Variants in B3GALNT2 observed in about 807,000 individuals in gnomAD.
B3GALNT2 encodes the protein beta-1,3-N-acetylgalactosaminyltransferase 2.
Under a neutral mutation model 61.1 loss-of-function variants are expected in B3GALNT2, and 53 were observed. The ratio of observed to expected loss-of-function variants is 0.87; its 90% CI spans 0.70 to 1.09. The LOEUF (loss-of-function observed/expected upper bound fraction) is 1.09. B3GALNT2 is among the 50% of genes least tolerant of loss of function. The pLI, the probability that B3GALNT2 is intolerant of heterozygous loss-of-function variation, is 0.00. For synonymous variants in B3GALNT2, 223 were observed against 237.4 expected, an observed-to-expected ratio of 0.94 and a Z score of 0.56; for missense variants, 544 against 623.0, an observed-to-expected ratio of 0.87 and a Z score of 1.35.
At chr1:235,468,007 T>A (rs2102809317) in intron 6 of B3GALNT2, among the ~76,000 whole-genome samples, 1 of 152,326 alleles carries the variant, frequency 6.6e-6, no homozygotes, top group Non-Finnish European at 1.5e-5. Context: ...CTCGAACTCC[T>A]GACTTCAGGT....
intron 6 of B3GALNT2, among the ~76,000 whole-genome samples, chr1:235,470,064 A>C (rs1683915231): frequency 6.6e-6 from 1 of 151,390 alleles, no homozygotes; most frequent in African/African-American, 2.4e-5. Context: ...TGCCTGGCTA[A>C]GTTTTTGTAT....
intron 4 of B3GALNT2, among the ~76,000 whole-genome samples, chr1:235,480,495 A>G (rs1050083988): frequency 6.6e-6 from 1 of 152,198 alleles, no homozygotes; most frequent in Non-Finnish European, 1.5e-5. Flanking sequence ...ACTCCCCCAA[A>G]GGGTTAAAAC....
chr1:235,453,460 CTTT>C (rs1175498989), intron 10 of B3GALNT2, among the ~76,000 whole-genome samples: 2 of 145,248 alleles, frequency 1.4e-5, no homozygotes, highest in Admixed American at 1.4e-4. Flanking sequence ...AGGGACTATA[CTTT>C]TTTTTTTTTT....
At position 235,504,319 on chromosome 1, in the gene B3GALNT2, G is replaced by A. The variant is rs2102880849; in HGVS notation, c.-67C>T. 3.5e-6 allele frequency: 5 copies of A among 1,441,684 alleles called. No individual in the cohort carries two copies. The South Asian group carries it at 4.0e-5, about 11-fold the overall frequency. The allele number at this position is 1,441,684 out of a possible 1,614,324, so 89.3% of individuals were successfully genotyped here. A position where few individuals can be genotyped will look rare whatever the true frequency, so the allele number is the denominator to read the frequency against. ...GGAGAGGGAGGGGACCTGCAAGTGC[G>A]GAGACTGAGGGGCGGCGGCTGACGA... On this transcript the variant is annotated 5_prime_UTR_variant, in exon 1 of 12. Transcript: ENST00000366600.
chr1:235,486,276 G>A (rs1684801279), intron 3 of B3GALNT2, among the ~76,000 whole-genome samples: 1 of 152,094 alleles, frequency 6.6e-6, no homozygotes, highest in African/African-American at 2.4e-5. Flanking sequence ...TTTTGTCATG[G>A]GCTGGGCAAG....
At chr1:235,439,949 A>C in the B3GALNT2 span, among the ~76,000 whole-genome samples, 5 of 146,674 alleles carry the variant, frequency 3.4e-5, no homozygotes, top group African/African-American at 5.1e-5. Context: ...CTACAGGCGC[A>C]CACCACCATG....
intron 3 of B3GALNT2, among the ~76,000 whole-genome samples, chr1:235,486,962 A>G (rs1183706847): frequency 6.6e-6 from 1 of 152,090 alleles, no homozygotes; most frequent in Non-Finnish European, 1.5e-5. Context: ...TGAGGTCAGG[A>G]GTTTGAGACT....
Position 235,474,974 on chromosome 1 carries a change from TATATATATATA to T in B3GALNT2, c.652-4025_652-4015del, listed in dbSNP as rs1349535376. Reference sequence around the variant, plus strand: ...ACATATATATATATATATATATATATATATATATATATATTTTTTTTTTTTTTTTTTTTTTT... The same window carrying T: ...ACATATATATATATATATATATATATTATTTTTTTTTTTTTTTTTTTTTTT... On this transcript the variant is annotated intron_variant, in intron 5 of 11. Transcript: ENST00000366600. 3.4e-3 allele frequency among the ~76,000 whole-genome samples: 118 copies of T among 34,776 alleles called. 2 individuals carry two copies. Among genetic ancestry groups the T allele is most frequent in the Middle Eastern group, 0.012 (1 of 82 alleles). 22.8% of individuals were successfully genotyped at this position (34,776 alleles called of 152,430 possible).
chr1:235,488,988 T>C lies in B3GALNT2; in HGVS notation c.361+180A>G, dbSNP rs59473581. Among the ~76,000 whole-genome samples the C allele has an allele frequency of 0.046, 7,054 of 152,070 alleles. 390 individuals carry two copies. Among genetic ancestry groups the C allele is most frequent in the African/African-American group, 0.13 (5,377 of 41,450 alleles). Reference sequence around the variant, plus strand: ...TCGCTTGAGCCCCGGAGTTTGAGGTTATAGTGAGCCATGACTATGCCACTG... The same window carrying C: ...TCGCTTGAGCCCCGGAGTTTGAGGTCATAGTGAGCCATGACTATGCCACTG... On this transcript the variant is annotated intron_variant, in intron 3 of 11. Transcript: ENST00000366600.
rs1416223198 is a variant in B3GALNT2 at position 235,454,194 on chromosome 1, A to G, written c.1273T>C (p.Trp425Arg). The change falls in exon 10 of 12, where the codon TGG (tryptophan) becomes CGG (arginine). Residue 425 changes from tryptophan (W) to arginine (R), a missense_variant. Physicochemically the swap from Trp to Arg is moderately radical, Grantham distance 101. Coordinates refer to ENST00000366600, the MANE Select transcript of B3GALNT2 (RefSeq NM_152490.5). Reference protein sequence around the residue: ...GYVISKDIVKWLASNSGRLKT... With the variant: ...GYVISKDIVKRLASNSGRLKT... The stretch of plus-strand genomic sequence containing the variant: ...AACCTCCCCGAGTTGCTTGCCAGCC[A>G]CTTGACGATGTCCTTGGAGATCACA... 1 of 1,612,508 alleles carries G rather than the reference A, an allele frequency of 6.2e-7. No individual in the cohort carries two copies. The highest frequency in any genetic ancestry group is 8.5e-7 in the Non-Finnish European group (1 of 1,179,316).
intron 5 of B3GALNT2, among the ~76,000 whole-genome samples, chr1:235,475,338 TTGTGAAGA>T (rs1298305993): frequency 1.3e-5 from 2 of 152,080 alleles, no homozygotes; most frequent in Non-Finnish European, 2.9e-5. Context: ...TAGTCTTCAC[TTGTGAAGA>T]ATCACTTGTG....
At chr1:235,495,545 A>G (rs1449092187) in intron 1 of B3GALNT2, among the ~76,000 whole-genome samples, 3 of 152,112 alleles carry the variant, frequency 2.0e-5, no homozygotes, top group Non-Finnish European at 4.4e-5. Flanking sequence ...AGTAAAAAAA[A>G]AAAAAAATAA....
At chr1:235,495,074 T>C (rs906669509) in intron 1 of B3GALNT2, among the ~76,000 whole-genome samples, 1 of 152,188 alleles carries the variant, frequency 6.6e-6, no homozygotes, top group Non-Finnish European at 1.5e-5. Context: ...AGTATACTAA[T>C]TCTTCAAAAC....
chr1:235,440,013 C>T, the B3GALNT2 span, among the ~76,000 whole-genome samples: 1 of 152,220 alleles, frequency 6.6e-6, no homozygotes, highest in East Asian at 1.9e-4. Context: ...CTCTGTCGCC[C>T]AGGCTGGAGT....
chr1:235,457,191 A>G (rs1307853502), intron 8 of B3GALNT2, among the ~76,000 whole-genome samples: 3 of 152,080 alleles, frequency 2.0e-5, no homozygotes, highest in African/African-American at 7.2e-5. Context: ...TAGACCATCT[A>G]CCCCTCAGGA....
At chr1:235,489,321 C>T (rs1354144601) in intron 2 of B3GALNT2, 53 bp from the exon 3 acceptor site, 2 of 1,603,266 alleles carry the variant, frequency 1.2e-6, no homozygotes, top group African/African-American at 1.3e-5. Flanking sequence ...CTCGCACATG[C>T]ACGTTTCCTC....
At chr1:235,463,731 TA>T (rs1572499724) in intron 7 of B3GALNT2, 1 of 152,218 alleles carries the variant, frequency 6.6e-6, no homozygotes, top group East Asian at 1.9e-4. Flanking sequence ...CATGCCTGGC[TA>T]ATTTTTTTGT....
At chr1:235,444,571 T>A (rs887984158), downstream of B3GALNT2, among the ~76,000 whole-genome samples, 3 of 152,096 alleles carry the variant, frequency 2.0e-5, no homozygotes, top group African/African-American at 7.2e-5. Context: ...ACCCCGCTAA[T>A]TTTTTTGATT....
intron 5 of B3GALNT2, among the ~76,000 whole-genome samples, chr1:235,474,632 C>A (rs903691211): frequency 2.0e-5 from 3 of 151,874 alleles, no homozygotes; most frequent in Admixed American, 2.0e-4. Flanking sequence ...CCAGCCTGGC[C>A]AACATGGTGA....
Sources: allele counts gnomAD v4.1 joint callset (sites outside exome capture counted in the v4.1 genomes callset), GRCh38; gene constraint gnomAD v4.1.1; transcripts MANE v1.5; gene names NCBI Gene and HGNC (gene_info 2026-07-23, HGNC 2026-07-21).